Variants in ETV6 observed in about 807,000 individuals in gnomAD.
The protein encoded by ETV6 is ETS variant transcription factor 6.
A neutral mutation model predicts 51.1 loss-of-function variants in ETV6; 16 were observed. That is an observed-to-expected ratio of 0.31 (90% confidence interval 0.21 to 0.48). ETV6 has a LOEUF of 0.48. ETV6 is among the 20% of genes least tolerant of loss of function. The pLI, the probability that ETV6 is intolerant of heterozygous loss-of-function variation, is 0.99. For missense variants in ETV6, 458 were observed against 594.8 expected (o/e 0.77, Z 2.39); for synonymous variants, 240 against 224.1 (o/e 1.07, Z -0.64).
chr12:11,895,181 A>C lies in ETV6; in HGVS notation c.*4135A>C. On this transcript the variant is annotated 3_prime_UTR_variant, in exon 8 of 8. Transcript: ENST00000396373. ...TGACCGCAACCACCTGCAAACCAGA[A>C]CGACTCTAGAATTTCCTTCCCCGCC... 1 of 232,396 alleles carries C rather than the reference A, an allele frequency of 4.3e-6. No homozygotes were observed. Among genetic ancestry groups the C allele is most frequent in the Middle Eastern group, 1.3e-3 (1 of 782 alleles). The allele number at this position is 232,396 out of a possible 1,614,324, so 14.4% of individuals were successfully genotyped here.
intron 2 of ETV6, among the ~76,000 whole-genome samples, chr12:11,806,518 C>T (rs1490820694): frequency 2.6e-5 from 4 of 152,146 alleles, no homozygotes; most frequent in Non-Finnish European, 5.9e-5. Flanking sequence ...TTCTACACAC[C>T]TTTGTTAGTT....
rs768272889 is a variant in ETV6, at chr12:11,869,916, T to C, written c.956T>C (p.Met319Thr). Residue 319 changes from methionine (M) to threonine (T), a missense_variant, in exon 5 of 8, where the codon ATG becomes ACG. Transcript: ENST00000396373. The surrounding 1 kb of genome is among the most constrained non-coding windows in gnomAD (Gnocchi z 5.0). Reference protein sequence around the residue: ...REDLAYMNHIMVSVSPPEEHA... With the variant: ...REDLAYMNHITVSVSPPEEHA... ...GACCTGGCTTACATGAACCACATCA[T>C]GGTCTCTGTCTCCCCGCCTGAAGAG... 5.0e-6 allele frequency: 8 copies of C among 1,611,782 alleles called. No individual in the cohort carries two copies. The highest frequency in any genetic ancestry group is 1.6e-4 in the Middle Eastern group (1 of 6,062).
rs115119608 is a variant in ETV6 at position 11,870,830 on chromosome 12, G to C, written c.1009+861G>C. Among the ~76,000 whole-genome samples, 295 of 152,330 alleles carry C rather than the reference G, an allele frequency of 1.9e-3. 1 individual carries two copies. The highest frequency in any genetic ancestry group is 6.8e-3 in the African/African-American group (284 of 41,576). ...GTGAAAACCACTAAGATATAAGGCA[G>C]AATGAAGTCAGCCCCATTTCCCATT... is the stretch of plus-strand genomic sequence containing the variant. On this transcript the variant is annotated intron_variant, in intron 5 of 7. Coordinates refer to ENST00000396373, the MANE Select transcript of ETV6 (RefSeq NM_001987.5).
chr12:11,684,331 A>G (rs2856316), intron 1 of ETV6, among the ~76,000 whole-genome samples: 147,456 of 152,366 alleles, frequency 0.97, 71,443 homozygotes, highest in Non-Finnish European at 0.99. Flanking sequence ...AGCATCCAGT[A>G]TTATTTAGCT....
At chr12:11,830,604 G>C (rs779140710) in intron 2 of ETV6, among the ~76,000 whole-genome samples, 1 of 151,512 alleles carries the variant, frequency 6.6e-6, no homozygotes, top group Non-Finnish European at 1.5e-5. Flanking sequence ...GGGGAGGAGA[G>C]GGGTGCCAAT....
At chr12:11,772,435 A>G (rs754962212) in intron 2 of ETV6, among the ~76,000 whole-genome samples, 12 of 152,214 alleles carry the variant, frequency 7.9e-5, no homozygotes, top group Non-Finnish European at 1.3e-4. Flanking sequence ...GTCTGTGCCC[A>G]TGCCTGGCCT....
chr12:11,718,741 A>G (rs924001199), intron 1 of ETV6, among the ~76,000 whole-genome samples: 1 of 152,182 alleles, frequency 6.6e-6, no homozygotes, highest in Non-Finnish European at 1.5e-5. Context: ...GTGTCTCAAA[A>G]AAATTCTCAG....
At chr12:11,673,225 G>C (rs1447912014) in intron 1 of ETV6, among the ~76,000 whole-genome samples, 1 of 152,194 alleles carries the variant, frequency 6.6e-6, no homozygotes, top group Non-Finnish European at 1.5e-5. Context: ...AGCTTTCTGA[G>C]CAGGTGGGAG....
intron 4 of ETV6, among the ~76,000 whole-genome samples, chr12:11,858,247 C>T (rs1442892453): frequency 6.6e-6 from 1 of 152,032 alleles, no homozygotes; most frequent in Non-Finnish European, 1.5e-5. Context: ...ATATTACTTC[C>T]TTCACAAAAA....
chr12:11,786,022 T>A (rs1945478769), intron 2 of ETV6, among the ~76,000 whole-genome samples: 1 of 152,108 alleles, frequency 6.6e-6, no homozygotes, highest in African/African-American at 2.4e-5. Context: ...CAAAAAAAAA[T>A]GGCCACATAT....
rs575830923 is a variant in ETV6, at chr12:11,687,776, T to G, written c.33+37616T>G. Among the ~76,000 whole-genome samples the G allele has an allele frequency of 2.6e-5, 4 of 152,344 alleles. No individual in the cohort carries two copies. In the East Asian group the frequency reaches 7.7e-4, roughly 29 times the overall value. The stretch of plus-strand genomic sequence containing the variant: ...TAGCCTAGTTGAGAGAAGCCATATG[T>G]GTAAGATGACGAGTAATAGCACAAA... On this transcript the variant is annotated intron_variant, in intron 1 of 7. Transcript: ENST00000396373.
intron 1 of ETV6, among the ~76,000 whole-genome samples, chr12:11,671,356 A>G (rs1295630848): frequency 6.6e-6 from 1 of 152,220 alleles, no homozygotes; most frequent in East Asian, 1.9e-4. Context: ...ACTGAGAGGC[A>G]CTTGTAATTC....
intron 1 of ETV6, among the ~76,000 whole-genome samples, chr12:11,654,961 T>G (rs1420198557): frequency 3.3e-5 from 5 of 152,110 alleles, no homozygotes; most frequent in African/African-American, 1.2e-4. Flanking sequence ...TCAGGATAAG[T>G]AAGTCAAGGG....
intron 2 of ETV6, among the ~76,000 whole-genome samples, chr12:11,794,230 TAA>T (rs1945644506): frequency 6.6e-6 from 1 of 152,198 alleles, no homozygotes; most frequent in East Asian, 1.9e-4. Context: ...GAAGCAGCTT[TAA>T]GAGTGCACTT....
intron 5 of ETV6, among the ~76,000 whole-genome samples, chr12:11,870,555 C>T (rs1164693934): frequency 6.6e-6 from 1 of 152,102 alleles, no homozygotes. Flanking sequence ...CCAGTGGAAA[C>T]CAGTGGGAAA....
intron 1 of ETV6, among the ~76,000 whole-genome samples, chr12:11,721,737 TAAGC>T (rs1187856075): frequency 1.3e-5 from 2 of 152,202 alleles, no homozygotes; most frequent in African/African-American, 4.8e-5. Flanking sequence ...GTTCTAGAAT[TAAGC>T]AAGGTAATAT....
intron 2 of ETV6, among the ~76,000 whole-genome samples, chr12:11,803,763 A>G (rs566346587): frequency 2.0e-5 from 3 of 152,334 alleles, no homozygotes; most frequent in African/African-American, 7.2e-5. Context: ...AATGAGATTA[A>G]CTGGAATATG....
At chr12:11,679,704 G>A (rs979109959) in intron 1 of ETV6, among the ~76,000 whole-genome samples, 1 of 152,206 alleles carries the variant, frequency 6.6e-6, no homozygotes, top group African/African-American at 2.4e-5. Flanking sequence ...CATTTAGGAA[G>A]AGTTTCCATT....
At chr12:11,721,332 A>C (rs969419108) in intron 1 of ETV6, among the ~76,000 whole-genome samples, 1 of 152,214 alleles carries the variant, frequency 6.6e-6, no homozygotes, top group Non-Finnish European at 1.5e-5. Flanking sequence ...TCAACAGTGG[A>C]TTTGATTTTG....
Sources: allele counts gnomAD v4.1 joint callset (sites outside exome capture counted in the v4.1 genomes callset), GRCh38; gene constraint gnomAD v4.1.1; non-coding constraint Gnocchi (gnomAD v3.1); transcripts MANE v1.5; gene names NCBI Gene and HGNC (gene_info 2026-07-23, HGNC 2026-07-21).